The following CHN2 variants were observed in gnomAD, a reference collection of about 807,000 sequenced individuals.
CHN2 encodes beta-chimaerin.
CHN2 carries 35 observed loss-of-function variants against 56.3 expected under a neutral mutation model. The ratio of observed to expected loss-of-function variants is 0.62; its 90% CI spans 0.47 to 0.82. The LOEUF (loss-of-function observed/expected upper bound fraction) is 0.82, where lower values mean the gene tolerates loss of function less well. Ranked by LOEUF, CHN2 falls within the 40% of genes least tolerant of loss-of-function variation. The pLI is 0.00. For synonymous variants in CHN2, 210 were observed against 212.8 expected (o/e 0.99, Z 0.12); for missense variants, 491 against 580.5 (o/e 0.85, Z 1.58).
chr7:29,337,214 C>A (rs1796695125), intron 1 of CHN2, among the ~76,000 whole-genome samples: 1 of 152,256 alleles, frequency 6.6e-6, no homozygotes, highest in Non-Finnish European at 1.5e-5. Context: ...TGTAAATATA[C>A]AATTCCTCCT....
intron 2 of CHN2, among the ~76,000 whole-genome samples, chr7:29,157,121 C>G (rs1794484955): frequency 6.6e-6 from 1 of 152,120 alleles, no homozygotes; most frequent in Non-Finnish European, 1.5e-5. Flanking sequence ...GAATTTTATC[C>G]CTCTTTATTT....
chr7:29,321,989 A>G (rs935849543), intron 1 of CHN2, among the ~76,000 whole-genome samples: 3 of 152,234 alleles, frequency 2.0e-5, no homozygotes, highest in African/African-American at 7.2e-5. Context: ...GTTAAATACC[A>G]TAATAGAAAC....
intron 3 of CHN2, among the ~76,000 whole-genome samples, chr7:29,381,351 G>A (rs1037369676): frequency 3.3e-5 from 5 of 152,146 alleles, no homozygotes; most frequent in Admixed American, 6.5e-5. Flanking sequence ...TGCCAGGCTC[G>A]TGCCAGAAAA....
At position 29,400,702 on chromosome 7, in the gene CHN2, C is replaced by A. The variant is rs544256613; in HGVS notation, c.450C>A (p.Asn150Lys). The change falls in exon 6 of 13, where the codon AAC becomes AAA. Residue 150 changes from asparagine to lysine, a missense_variant. Asn to Lys is a moderately conservative substitution (Grantham distance 94, BLOSUM62 0). Coordinates refer to ENST00000222792, the MANE Select transcript of CHN2 (RefSeq NM_004067.4). The part of the protein sequence containing the change: ...AAEYISKMTT[N>K]PIYEHIGYAT... ...AGTACATTTCAAAAATGACAACTAA[C>A]CCCATCTATGAACACATTGGATATG... 1 of 1,614,130 alleles carries A rather than the reference C, an allele frequency of 6.2e-7. No individual in the cohort carries two copies. The highest frequency in any genetic ancestry group is 1.3e-5 in the African/African-American group (1 of 75,032).
chr7:29,509,201 T>A, intron 11 of CHN2, 100 bp from the exon 12 acceptor site: 1 of 786,382 alleles, frequency 1.3e-6, no homozygotes, highest in Non-Finnish European at 2.2e-6. Flanking sequence ...TTTATTAGAA[T>A]CCTTCCCCAC....
At chr7:29,459,199 G>A (rs1336707816) in intron 6 of CHN2, among the ~76,000 whole-genome samples, 2 of 152,112 alleles carry the variant, frequency 1.3e-5, no homozygotes, top group South Asian at 2.1e-4. Flanking sequence ...AAGTTCACAC[G>A]GTTTAACTTT....
In CHN2 at chr7:29,455,718, A is replaced by G. The variant is rs116362787; in HGVS notation, c.577-24561A>G. Among the ~76,000 whole-genome samples, 562 of 152,328 alleles carry G rather than the reference A, an allele frequency of 3.7e-3. 4 individuals are homozygous for G. Among genetic ancestry groups the G allele is most frequent in the African/African-American group, 0.013 (528 of 41,574 alleles). On this transcript the variant is annotated intron_variant, in intron 6 of 12. Coordinates refer to ENST00000222792, the MANE Select transcript of CHN2 (RefSeq NM_004067.4). ...GGGTGTCATGGGCTATTTGATAGCTATTGGATTCAAACAATGCATTTCTCC... is the reference window on the plus strand; with the variant it reads ...GGGTGTCATGGGCTATTTGATAGCTGTTGGATTCAAACAATGCATTTCTCC...
chr7:29,240,373 G>A (rs904182121), intron 1 of CHN2, among the ~76,000 whole-genome samples: 3 of 152,188 alleles, frequency 2.0e-5, no homozygotes, highest in African/African-American at 7.2e-5. Context: ...CATCTCTTAG[G>A]TGAGACAGGT....
At chr7:29,479,825 A>G (rs1004513428) in intron 6 of CHN2, 9 of 1,273,206 alleles carry the variant, frequency 7.1e-6, no homozygotes, top group Middle Eastern at 3.2e-4. Flanking sequence ...TCAGTGGCTG[A>G]CTGGATACCG....
At chr7:29,499,771 C>G in intron 8 of CHN2, 96 bp from the exon 9 acceptor site, 1 of 1,172,622 alleles carries the variant, frequency 8.5e-7, no homozygotes, top group Non-Finnish European at 1.2e-6. Flanking sequence ...ATGTCAAACC[C>G]TTGGGTGGTG....
chr7:29,456,620 C>A lies in CHN2; in HGVS notation c.577-23659C>A, dbSNP rs552645969. On this transcript the variant is annotated intron_variant, in intron 6 of 12. Transcript: ENST00000222792. ...CCCTGCCACCACCCGCCCCCTCCCC[C>A]CCACCACCACCACCAACACCCCTCT... Among the ~76,000 whole-genome samples, 1,346 of 137,446 alleles carry A rather than the reference C, an allele frequency of 9.8e-3. 30 individuals are homozygous for A. Among genetic ancestry groups the A allele is most frequent in the African/African-American group, 0.023 (843 of 36,734 alleles). 90.2% of individuals were successfully genotyped at this position (137,446 alleles called of 152,430 possible).
chr7:29,416,743 A>C (rs2128102033), intron 6 of CHN2, among the ~76,000 whole-genome samples: 1 of 152,256 alleles, frequency 6.6e-6, no homozygotes, highest in South Asian at 2.1e-4. Flanking sequence ...AATTAGATGT[A>C]ATCTGTAATC....
intron 2 of CHN2, among the ~76,000 whole-genome samples, chr7:29,158,963 C>A (rs751334564): frequency 1.3e-5 from 2 of 152,162 alleles, no homozygotes; most frequent in African/African-American, 4.8e-5. Context: ...AGATACCCTG[C>A]GGCAATCGAA....
At chr7:29,275,997 C>T (rs2128854289) in intron 1 of CHN2, among the ~76,000 whole-genome samples, 1 of 152,156 alleles carries the variant, frequency 6.6e-6, no homozygotes, top group Non-Finnish European at 1.5e-5. Flanking sequence ...AGCCCAAACC[C>T]CGCATTACCC....
chr7:29,428,166 G>T (rs1323602621), intron 6 of CHN2, among the ~76,000 whole-genome samples: 7 of 152,114 alleles, frequency 4.6e-5, no homozygotes, highest in Non-Finnish European at 8.8e-5. Flanking sequence ...TCTAAAATGG[G>T]GACTATGATA....
chr7:29,313,944 T>C (rs1052735342), intron 1 of CHN2, among the ~76,000 whole-genome samples: 1 of 152,180 alleles, frequency 6.6e-6, no homozygotes, highest in Non-Finnish European at 1.5e-5. Context: ...TTCTGCCCAG[T>C]GTATTCCTGG....
Position 29,507,334 on chromosome 7 carries a change from T to C in CHN2, c.1098T>C (p.Tyr366=). The part of the protein sequence containing the change: ...FRDLPIPVIT[Y]DTYSKFIDAA... ...ACTTACCCATCCCTGTCATCACATA[T>C]GATACCTATTCCAAATTTATAGATG... The change falls in exon 11 of 13, where the codon TAT becomes TAC. Residue 366 remains tyrosine, a synonymous_variant. Transcript: ENST00000222792. 1 of 1,610,918 alleles carries C rather than the reference T, an allele frequency of 6.2e-7. No individual in the cohort carries two copies. The highest frequency in any genetic ancestry group is 2.2e-5 in the East Asian group (1 of 44,860).
At chr7:29,445,669 T>C (rs1318024460) in intron 6 of CHN2, among the ~76,000 whole-genome samples, 1 of 152,182 alleles carries the variant, frequency 6.6e-6, no homozygotes, top group East Asian at 1.9e-4. Flanking sequence ...TATAATCAAC[T>C]CAGGTTTGCT....
chr7:29,480,423 T>C (rs1787066878), intron 7 of CHN2, 67 bp downstream of exon 7: 5 of 1,510,590 alleles, frequency 3.3e-6, no homozygotes. Flanking sequence ...GTGTATAGTT[T>C]CCGTCTGGTT....
Sources: allele counts gnomAD v4.1 joint callset (sites outside exome capture counted in the v4.1 genomes callset), GRCh38; gene constraint gnomAD v4.1.1; transcripts MANE v1.5; gene names NCBI Gene and HGNC (gene_info 2026-07-23, HGNC 2026-07-21).